Variants in TMC5 observed in about 807,000 individuals in gnomAD.
TMC5 encodes the protein transmembrane channel-like protein 5.
Under a neutral mutation model 110.5 loss-of-function variants are expected in TMC5, and 86 were observed. The ratio of observed to expected loss-of-function variants is 0.78; its 90% confidence interval spans 0.65 to 0.93. The LOEUF (loss-of-function observed/expected upper bound fraction) is 0.93. Among genes scored for constraint, TMC5 ranks in the 40% least tolerant of loss-of-function variants. TMC5 has a pLI of 0.00. For synonymous variants in TMC5, 455 were observed against 439.5 expected, an observed-to-expected ratio of 1.04 and a Z score of -0.44; for missense variants, 1,144 against 1,222.8, an observed-to-expected ratio of 0.94 and a Z score of 0.96.
intron 18 of TMC5, 146 bp from the exon 19 acceptor site, chr16:19,492,004 A>G (rs1968919652): frequency 1.5e-6 from 1 of 684,518 alleles, no homozygotes; most frequent in Non-Finnish European, 2.6e-6. Context: ...TATTTAACCT[A>G]TAACTCTCCC....
chr16:19,497,593 T>C (rs924341364), intron 21 of TMC5, among the ~76,000 whole-genome samples: 4 of 152,190 alleles, frequency 2.6e-5, no homozygotes, highest in Non-Finnish European at 4.4e-5. Flanking sequence ...GATCACATGA[T>C]TTCATCTGTA....
intron 13 of TMC5, 56 bp from the exon 14 acceptor site, chr16:19,479,375 G>C: frequency 7.7e-7 from 1 of 1,292,380 alleles, no homozygotes; most frequent in Non-Finnish European, 1.1e-6. Flanking sequence ...GAACAGAGGA[G>C]AATTGAGCTG....
intron 17 of TMC5, among the ~76,000 whole-genome samples, chr16:19,488,313 C>T (rs1365464277): frequency 6.6e-6 from 1 of 152,158 alleles, no homozygotes; most frequent in African/African-American, 2.4e-5. Context: ...GGAATGCATC[C>T]TAGTTTGATC....
intron 5 of TMC5, chr16:19,456,541 G>A (rs1967877246): frequency 7.1e-7 from 1 of 1,418,220 alleles, no homozygotes; most frequent in Non-Finnish European, 9.2e-7. Context: ...TGTAGGGGTG[G>A]CTTTGGTGAG....
chr16:19,476,703 A>T (rs751799970), intron 12 of TMC5, among the ~76,000 whole-genome samples: 1 of 152,268 alleles, frequency 6.6e-6, no homozygotes, highest in Non-Finnish European at 1.5e-5. Flanking sequence ...AGAATGTATC[A>T]GTCAGAATAA....
chr16:19,474,136 A>G lies in TMC5; in HGVS notation c.1950A>G (p.Thr650=). 6.2e-7 allele frequency: 1 copy of G among 1,613,748 alleles called. No homozygotes were observed. Among genetic ancestry groups the G allele is most frequent in the Non-Finnish European group, 8.5e-7 (1 of 1,179,964 alleles). The change falls in exon 12 of 22, where the codon ACA becomes ACG. Residue 650 remains threonine (T), a synonymous_variant. Coordinates refer to ENST00000542583, the MANE Select transcript of TMC5 (RefSeq NM_001261841.2). ...CCCATCCCCTGCAGTTCCTGAAGAC[A>G]CACAGTAACCCTGGGGCGGTGCTGT... ...LAEYNLEFLK[T]HSNPGAVLLL... is the part of the protein sequence containing the mutation.
In TMC5 at chr16:19,440,345, A is replaced by C. The variant is rs751629887; in HGVS notation, c.307A>C (p.Thr103Pro). The C allele has an allele frequency of 2.0e-5, 33 of 1,613,912 alleles. No homozygotes were observed. The highest frequency in any genetic ancestry group is 2.6e-5 in the Non-Finnish European group (31 of 1,179,970). The change falls in exon 3 of 22, where the codon ACC becomes CCC. Residue 103 changes from threonine to proline, a missense_variant. Coordinates refer to ENST00000542583, the MANE Select transcript of TMC5 (RefSeq NM_001261841.2). ...CTCTAGAACAAGCCCAGACCATCCT[A>C]CCTCTCTACCAGAGCCAGATTATAG... ...AASRTSPDHP[T>P]SLPEPDYSEF...
chr16:19,448,063 G>A (rs1212605655), intron 4 of TMC5, among the ~76,000 whole-genome samples: 1 of 151,510 alleles, frequency 6.6e-6, no homozygotes, highest in Admixed American at 6.6e-5. Context: ...GGCTGAGGCT[G>A]GAGAATCACT....
intron 5 of TMC5, among the ~76,000 whole-genome samples, chr16:19,451,172 G>C (rs1467472125): frequency 6.6e-6 from 1 of 152,060 alleles, no homozygotes; most frequent in Non-Finnish European, 1.5e-5. Flanking sequence ...AAGCAACAGA[G>C]GAGAGAGACT....
At position 19,492,203 on chromosome 16, in the gene TMC5, G is replaced by C. The variant is rs1231284093; in HGVS notation, c.2801G>C (p.Arg934Thr). The change falls in exon 19 of 22, where the codon AGG becomes ACG. Residue 934 changes from arginine to threonine, a missense_variant. By Grantham distance (71) the Arg-to-Thr change is moderately conservative (BLOSUM62 -1). Transcript: ENST00000542583. ...ACAGAGGGAAGGAAGATTATGATAA[G>C]GCTGCTCCATGAGCAGATCATTAAT... ...QITEGRKIMIRLLHEQIINEG... is the reference protein window; with the variant it reads ...QITEGRKIMITLLHEQIINEG... The C allele has an allele frequency of 3.7e-6, 6 of 1,613,668 alleles. No individual in the cohort carries two copies. The highest frequency in any genetic ancestry group is 5.1e-6 in the Non-Finnish European group (6 of 1,179,694).
intron 12 of TMC5, among the ~76,000 whole-genome samples, chr16:19,475,111 A>G (rs1410999999): frequency 1.3e-5 from 2 of 152,160 alleles, no homozygotes; most frequent in Non-Finnish European, 2.9e-5. Context: ...GTTCCTGGTT[A>G]TGGTGGGGTT....
Position 19,443,996 on chromosome 16 carries a change from A to AATGGATGGATGGATGG in TMC5, c.789-69_789-54dup, listed in dbSNP as rs144130376. On this transcript the variant is annotated intron_variant, in intron 3 of 21. Coordinates refer to ENST00000542583, the MANE Select transcript of TMC5 (RefSeq NM_001261841.2). The stretch of plus-strand genomic sequence containing the variant: ...AAATAAATGGATGAATACATGATTG[A>AATGGATGGATGGATGG]ATGGATGGATGGATGGATGGATGGA... The AATGGATGGATGGATGG allele has an allele frequency of 1.3e-3, 1,526 of 1,158,584 alleles. 9 individuals are homozygous for AATGGATGGATGGATGG. Among genetic ancestry groups the AATGGATGGATGGATGG allele is most frequent in the East Asian group, 0.012 (494 of 41,794 alleles). The allele number at this position is 1,158,584 out of a possible 1,614,324, so 71.8% of individuals were successfully genotyped here.
intron 1 of TMC5, among the ~76,000 whole-genome samples, chr16:19,426,587 A>G (rs936209410): frequency 2.0e-5 from 3 of 152,122 alleles, no homozygotes; most frequent in Admixed American, 6.6e-5. Flanking sequence ...ACTTGTCTCC[A>G]TCTGTCCCAG....
chr16:19,427,561 T>C (rs1967110597), intron 1 of TMC5, among the ~76,000 whole-genome samples: 1 of 152,284 alleles, frequency 6.6e-6, no homozygotes, highest in African/African-American at 2.4e-5. Flanking sequence ...ATATTGGACA[T>C]GCATGTAGAG....
intron 14 of TMC5, among the ~76,000 whole-genome samples, chr16:19,479,867 G>A (rs1213929538): frequency 6.6e-6 from 1 of 151,240 alleles, no homozygotes; most frequent in Admixed American, 6.6e-5. Context: ...ACCGAGGCAG[G>A]AGGATCACTT....
chr16:19,482,061 T>C (rs1017186072), intron 15 of TMC5, among the ~76,000 whole-genome samples: 1 of 152,118 alleles, frequency 6.6e-6, no homozygotes, highest in Non-Finnish European at 1.5e-5. Flanking sequence ...CTGTTTTATT[T>C]ATTTATTTTT....
At chr16:19,483,986 G>A (rs1968677599) in intron 15 of TMC5, among the ~76,000 whole-genome samples, 1 of 150,588 alleles carries the variant, frequency 6.6e-6, no homozygotes, top group African/African-American at 2.4e-5. Flanking sequence ...GGAGGCTGAG[G>A]CAGGAGAATC....
intron 5 of TMC5, among the ~76,000 whole-genome samples, chr16:19,450,663 G>C (rs1015943322): frequency 6.6e-6 from 1 of 152,036 alleles, no homozygotes; most frequent in African/African-American, 2.4e-5. Flanking sequence ...TTCCTCCCTG[G>C]GTCCATCTCT....
intron 4 of TMC5, among the ~76,000 whole-genome samples, chr16:19,446,772 A>G (rs190197573): frequency 7.2e-5 from 11 of 152,334 alleles, no homozygotes; most frequent in Admixed American, 7.2e-4. Context: ...TCTATAGAAC[A>G]TTGGAAGATA....
Sources: allele counts gnomAD v4.1 joint callset (sites outside exome capture counted in the v4.1 genomes callset), GRCh38; gene constraint gnomAD v4.1.1; transcripts MANE v1.5; gene names NCBI Gene and HGNC (gene_info 2026-07-23, HGNC 2026-07-21).